DNER: variants seen among roughly 807,000 people sequenced by gnomAD.
DNER encodes delta and Notch-like epidermal growth factor-related receptor.
A neutral mutation model predicts 78.2 loss-of-function variants in DNER; 33 were observed. The observed-to-expected ratio is 0.42, with a 90% CI of 0.32 to 0.56. The LOEUF is 0.56. Ranked by LOEUF, DNER falls within the 20% of genes least tolerant of loss-of-function variation. DNER has a pLI of 0.11. For missense variants in DNER, 918 were observed against 975.3 expected (o/e 0.94, Z 0.78); for synonymous variants, 417 against 384.8 (o/e 1.08, Z -0.98).
rs12468904 is a variant in DNER at position 229,628,828 on chromosome 2, A to G, written c.277-36940T>C. ...AACATCAAGAGTTGGAACCCCGGAC[A>G]TCAAAAAGGTACTACCCCTGGTCTA... On this transcript the variant is annotated intron_variant, in intron 1 of 12. Coordinates refer to ENST00000341772, the MANE Select transcript of DNER (RefSeq NM_139072.4). 5.7e-3 allele frequency among the ~76,000 whole-genome samples: 863 copies of G among 152,348 alleles called. 21 individuals are homozygous for G. The highest frequency in any genetic ancestry group is 0.052 in the Admixed American group (800 of 15,300).
chr2:229,397,500 G>A (rs1450163372), intron 10 of DNER, among the ~76,000 whole-genome samples: 3 of 141,258 alleles, frequency 2.1e-5, no homozygotes, highest in Non-Finnish European at 3.1e-5. Context: ...CCTCACCCAT[G>A]CCACCAAAGG....
intron 4 of DNER, among the ~76,000 whole-genome samples, chr2:229,584,145 T>C (rs1264791324): frequency 1.3e-5 from 2 of 152,208 alleles, no homozygotes; most frequent in Non-Finnish European, 2.9e-5. Context: ...AAATATTTAG[T>C]GTACACCAGA....
intron 4 of DNER, among the ~76,000 whole-genome samples, chr2:229,560,447 T>C (rs1436394003): frequency 1.3e-5 from 2 of 152,124 alleles, no homozygotes; most frequent in Non-Finnish European, 1.5e-5. Flanking sequence ...ATGAAAGGTT[T>C]GCAATATCAC....
intron 4 of DNER, among the ~76,000 whole-genome samples, chr2:229,558,719 T>C (rs1365429348): frequency 6.6e-6 from 1 of 152,098 alleles, no homozygotes; most frequent in African/African-American, 2.4e-5. Context: ...GCTGAGTCCA[T>C]TCATTCAACA....
At chr2:229,616,799 C>T (rs1433880657) in intron 1 of DNER, among the ~76,000 whole-genome samples, 4 of 152,208 alleles carry the variant, frequency 2.6e-5, no homozygotes, top group African/African-American at 4.8e-5. Context: ...AAAAGGCTCA[C>T]ATAGGCTAAG....
At chr2:229,435,981 G>A (rs1193675000) in intron 8 of DNER, among the ~76,000 whole-genome samples, 2 of 151,988 alleles carry the variant, frequency 1.3e-5, no homozygotes, top group Admixed American at 6.6e-5. Flanking sequence ...TTAGGTTCAG[G>A]GATACACAGG....
intron 1 of DNER, among the ~76,000 whole-genome samples, chr2:229,622,515 C>A (rs532983202): frequency 5.2e-4 from 79 of 152,324 alleles, no homozygotes; most frequent in Non-Finnish European, 1.1e-3. Context: ...CAGCCTGAGT[C>A]AGCACGGGAA....
intron 1 of DNER, among the ~76,000 whole-genome samples, chr2:229,678,928 C>T (rs1382243130): frequency 6.6e-6 from 1 of 152,208 alleles, no homozygotes; most frequent in Non-Finnish European, 1.5e-5. Flanking sequence ...AGCAGGAGAT[C>T]TCACTACATG....
chr2:229,659,922 T>C (rs1698979630), intron 1 of DNER, among the ~76,000 whole-genome samples: 1 of 152,206 alleles, frequency 6.6e-6, no homozygotes, highest in South Asian at 2.1e-4. Context: ...ATTATTATAT[T>C]ATGTTAATAG....
intron 8 of DNER, among the ~76,000 whole-genome samples, chr2:229,438,241 T>C (rs1694163037): frequency 6.6e-6 from 1 of 152,180 alleles, no homozygotes; most frequent in African/African-American, 2.4e-5. Context: ...ATTGGTCAAG[T>C]ATCATCCATT....
chr2:229,365,946 C>T (rs1692336580), intron 12 of DNER, among the ~76,000 whole-genome samples: 1 of 152,192 alleles, frequency 6.6e-6, no homozygotes, highest in Admixed American at 6.5e-5. Context: ...ATTTTTGGAA[C>T]ACATACTCTG....
intron 11 of DNER, among the ~76,000 whole-genome samples, chr2:229,378,336 C>T (rs1692655101): frequency 6.6e-6 from 1 of 152,158 alleles, no homozygotes; most frequent in Non-Finnish European, 1.5e-5. Context: ...TCAGGGAAGG[C>T]ACCTTTGAAC....
chr2:229,630,479 AAATAATAATAATAATAATAAT>A (rs200043673), intron 1 of DNER, among the ~76,000 whole-genome samples: 298 of 139,050 alleles, frequency 2.1e-3, no homozygotes, highest in African/African-American at 6.9e-3. Context: ...CTCCATCTCA[AAATAATAATAATAATAATAAT>A]AATAATAATA....
In DNER at chr2:229,622,065, G is replaced by A. The variant is rs564332170; in HGVS notation, c.277-30177C>T. On this transcript the variant is annotated intron_variant, in intron 1 of 12. Coordinates refer to ENST00000341772, the MANE Select transcript of DNER (RefSeq NM_139072.4). ...CGCGCCGCTGCCCTCCAGCCTGGGC[G>A]ACAGAGCGAGACTCCGTCTCAAAAA... Among the ~76,000 whole-genome samples, 852 of 152,252 alleles carry A rather than the reference G, an allele frequency of 5.6e-3. 6 individuals carry two copies. Among genetic ancestry groups the A allele is most frequent in the Non-Finnish European group, 7.8e-3 (530 of 68,024 alleles).
At chr2:229,711,182 G>C (rs1699907296) in intron 1 of DNER, among the ~76,000 whole-genome samples, 1 of 152,050 alleles carries the variant, frequency 6.6e-6, no homozygotes, top group Non-Finnish European at 1.5e-5. Context: ...GCAGGAGTTT[G>C]CATGGTTTGA....
At chr2:229,398,084 C>T (rs1020878481) in intron 10 of DNER, among the ~76,000 whole-genome samples, 3 of 151,762 alleles carry the variant, frequency 2.0e-5, no homozygotes, top group Admixed American at 6.6e-5. Flanking sequence ...CAACAAAAAG[C>T]TATTTATTAA....
chr2:229,394,126 C>T (rs562108512), intron 10 of DNER, among the ~76,000 whole-genome samples: 2 of 152,306 alleles, frequency 1.3e-5, no homozygotes, highest in African/African-American at 4.8e-5. Context: ...ATCTTGGATA[C>T]TGATTAACCC....
At chr2:229,622,601 T>C (rs1468371317) in intron 1 of DNER, among the ~76,000 whole-genome samples, 2 of 152,118 alleles carry the variant, frequency 1.3e-5, no homozygotes. Context: ...GATTTGTTGA[T>C]GTTGTAATCC....
chr2:229,508,982 G>A lies in DNER; in HGVS notation c.1147+3801C>T, dbSNP rs113541124. On this transcript the variant is annotated intron_variant, in intron 6 of 12. Transcript: ENST00000341772. Reference sequence around the variant, plus strand: ...AGGGTGGTTGTTATCTGTTATCTCTGGAGAGAAAGGAGAGGTGAAGGGATG... The same window carrying A: ...AGGGTGGTTGTTATCTGTTATCTCTAGAGAGAAAGGAGAGGTGAAGGGATG... Among the ~76,000 whole-genome samples the A allele has an allele frequency of 8.1e-3, 1,233 of 152,302 alleles. 25 individuals are homozygous for A. The highest frequency in any genetic ancestry group is 0.028 in the African/African-American group (1,177 of 41,562).
Sources: allele counts gnomAD v4.1 joint callset (sites outside exome capture counted in the v4.1 genomes callset), GRCh38; gene constraint gnomAD v4.1.1; transcripts MANE v1.5; gene names NCBI Gene and HGNC (gene_info 2026-07-23, HGNC 2026-07-21).